Variants in AFF2 observed in about 807,000 individuals in gnomAD.
The protein encoded by AFF2 is ALF transcription elongation factor 2.
In AFF2, 14 loss-of-function variants were observed where a neutral mutation model predicts 76.9. The observed-to-expected ratio is 0.18, with a 90% CI of 0.12 to 0.28. AFF2 has a LOEUF of 0.28. Ranked by LOEUF, AFF2 falls within the 10% of genes least tolerant of loss-of-function variation. AFF2 has a pLI of 1.00. For synonymous variants in AFF2, 398 were observed against 366.7 expected (o/e 1.09, Z -0.98); for missense variants, 868 against 1,001.1 (o/e 0.87, Z 1.79).
chrX:148,851,971 G>A (rs782619758), intron 7 of AFF2, among the ~76,000 whole-genome samples: 1 of 110,289 alleles, frequency 9.1e-6, no homozygotes, highest in Admixed American at 9.7e-5. Context: ...GTGAGAACAT[G>A]CAGTATTTGG....
intron 1 of AFF2, among the ~76,000 whole-genome samples, chrX:148,621,576 T>C (rs2053868504): frequency 8.9e-6 from 1 of 111,961 alleles, no homozygotes; most frequent in Non-Finnish European, 1.9e-5. Flanking sequence ...TTGTTTCAAT[T>C]ATGTAATCAT....
chrX:148,869,067 A>G (rs960216432), intron 7 of AFF2, among the ~76,000 whole-genome samples: 11 of 112,655 alleles, frequency 9.8e-5, no homozygotes, highest in African/African-American at 3.2e-4. Flanking sequence ...ACATTCTACA[A>G]CATGGATTAC....
rs182624842 is a variant in AFF2, at chrX:148,759,378, G to A, written c.1042-50498G>A. Among the ~76,000 whole-genome samples, 535 of 112,050 alleles carry A rather than the reference G, an allele frequency of 4.8e-3. 2 individuals are homozygous for A. Among genetic ancestry groups the A allele is most frequent in the Middle Eastern group, 9.2e-3 (2 of 218 alleles). ...GACTTAACTATGTGCATGACATTCA[G>A]GGTTCTGATTTCTTTTGAATTATGA... On this transcript the variant is annotated intron_variant, in intron 3 of 20. Coordinates refer to ENST00000370460, the MANE Select transcript of AFF2 (RefSeq NM_002025.4).
chrX:148,807,491 G>A (rs1342422704), intron 3 of AFF2, among the ~76,000 whole-genome samples: 5 of 111,977 alleles, frequency 4.5e-5, no homozygotes, highest in African/African-American at 6.5e-5. Context: ...GAAAGGTACA[G>A]TTATTAAGTC....
intron 8 of AFF2, among the ~76,000 whole-genome samples, chrX:148,888,169 T>C (rs2071181734): frequency 9.0e-6 from 1 of 111,566 alleles, no homozygotes; most frequent in Non-Finnish European, 1.9e-5. Context: ...CCATACCCAT[T>C]AAACAGTTCC....
Position 148,500,988 on chromosome X carries a change from G to C in AFF2, c.-110G>C. 1.0e-6 allele frequency: 1 copy of C among 961,245 alleles called. No individual in the cohort carries two copies. Among genetic ancestry groups the C allele is most frequent in the Non-Finnish European group, 1.4e-6 (1 of 715,705 alleles). 79.2% of individuals were successfully genotyped at this position (961,245 alleles called of 1,213,427 possible). On this transcript the variant is annotated 5_prime_UTR_variant, in exon 1 of 21. Coordinates refer to ENST00000370460, the MANE Select transcript of AFF2 (RefSeq NM_002025.4). ...CCCGGACACTTTTAGCTGGGCGGGAGGGCTGGAGAGCCGGGGGCCGCCGAG... is the reference window on the plus strand; with the variant it reads ...CCCGGACACTTTTAGCTGGGCGGGACGGCTGGAGAGCCGGGGGCCGCCGAG...
In AFF2 at chrX:148,999,981, G is replaced by C. The variant is rs2072657169; in HGVS notation, c.*8649G>C. 9.0e-6 allele frequency: 1 copy of C among 111,574 alleles called. No homozygotes were observed. Among genetic ancestry groups the C allele is most frequent in the African/African-American group, 3.3e-5 (1 of 30,631 alleles). The allele number at this position is 111,574 out of a possible 1,213,427, so 9.2% of individuals were successfully genotyped here. A position where few individuals can be genotyped will look rare whatever the true frequency, so the allele number is the denominator to read the frequency against. ...TGAAGTTGACTTGCTCCAAGCTGCAGTCTAAAACCCTGGGGCCCGTGCCTG... is the reference window on the plus strand; with the variant it reads ...TGAAGTTGACTTGCTCCAAGCTGCACTCTAAAACCCTGGGGCCCGTGCCTG... On this transcript the variant is annotated 3_prime_UTR_variant, in exon 21 of 21. Transcript: ENST00000370460.
intron 3 of AFF2, among the ~76,000 whole-genome samples, chrX:148,666,547 T>G (rs1404712545): frequency 9.1e-6 from 1 of 109,712 alleles, no homozygotes; most frequent in Non-Finnish European, 1.9e-5. Context: ...GTTGCACCAC[T>G]GCACTCCAGC....
intron 1 of AFF2, among the ~76,000 whole-genome samples, chrX:148,639,622 C>T (rs868967817): frequency 8.9e-6 from 1 of 111,830 alleles, no homozygotes; most frequent in Non-Finnish European, 1.9e-5. Flanking sequence ...CCACATATAA[C>T]GTGTTTATTG....
intron 8 of AFF2, 55 bp downstream of exon 8, chrX:148,886,040 G>C (rs887195866): frequency 1.1e-6 from 1 of 951,186 alleles, no homozygotes; most frequent in Non-Finnish European, 1.5e-6. Context: ...GGAGGAACTG[G>C]AATGGCTTTG....
At chrX:148,862,009 G>A (rs2070853747) in intron 7 of AFF2, among the ~76,000 whole-genome samples, 1 of 109,836 alleles carries the variant, frequency 9.1e-6, no homozygotes, top group Non-Finnish European at 1.9e-5. Context: ...AGTTGTCTCC[G>A]GGGTGGCTGG....
chrX:148,558,411 C>T (rs2053075581), intron 1 of AFF2, among the ~76,000 whole-genome samples: 1 of 111,186 alleles, frequency 9.0e-6, no homozygotes, highest in Admixed American at 9.6e-5. Context: ...TAACATGCTG[C>T]ACCTTTGAAG....
At chrX:148,765,300 T>A (rs952771702) in intron 3 of AFF2, among the ~76,000 whole-genome samples, 1 of 111,863 alleles carries the variant, frequency 8.9e-6, no homozygotes, top group African/African-American at 3.3e-5. Context: ...TAGTAGTGGG[T>A]TTGGCTGTTT....
At chrX:148,876,540 T>C (rs1403929453) in intron 7 of AFF2, among the ~76,000 whole-genome samples, 13 of 111,951 alleles carry the variant, frequency 1.2e-4, no homozygotes, top group Non-Finnish European at 1.9e-4. Flanking sequence ...ACAAGTCCAT[T>C]CGCTATTGTT....
At chrX:148,763,283 A>G (rs782664155) in intron 3 of AFF2, among the ~76,000 whole-genome samples, 8 of 111,899 alleles carry the variant, frequency 7.1e-5, no homozygotes, top group Admixed American at 3.8e-4. Flanking sequence ...GGGAGTACAA[A>G]TCAAAATCAA....
chrX:148,573,864 G>A (rs1018377350), intron 1 of AFF2, among the ~76,000 whole-genome samples: 2 of 111,068 alleles, frequency 1.8e-5, no homozygotes, highest in Non-Finnish European at 1.9e-5. Flanking sequence ...TAGTATTAGC[G>A]GTCATGTTCC....
intron 9 of AFF2, among the ~76,000 whole-genome samples, chrX:148,951,207 T>C (rs2071964386): frequency 1.8e-5 from 2 of 110,814 alleles, no homozygotes; most frequent in South Asian, 7.7e-4. Flanking sequence ...ACCCCAATTT[T>C]TCTACTAAAT....
chrX:148,823,257 T>A lies in AFF2; in HGVS notation c.1086+13337T>A, dbSNP rs1467451844. ...TGTGCCAGTGACACTGGACCAGACA[T>A]CAAGAGACCTCAGAGCTAGTTCTGA... On this transcript the variant is annotated intron_variant, in intron 4 of 20. Coordinates refer to ENST00000370460, the MANE Select transcript of AFF2 (RefSeq NM_002025.4). Among the ~76,000 whole-genome samples the A allele has an allele frequency of 3.6e-5, 4 of 111,167 alleles. No individual in the cohort carries two copies. The Admixed American group carries it at 3.8e-4, about 11-fold the overall frequency.
intron 3 of AFF2, among the ~76,000 whole-genome samples, chrX:148,807,642 G>A (rs782758567): frequency 1.8e-4 from 20 of 112,155 alleles, no homozygotes; most frequent in Non-Finnish European, 3.0e-4. Flanking sequence ...GGGAAAAGGC[G>A]AACAAAGACC....
Sources: gnomAD v4.1 joint callset for allele counts (sites outside exome capture counted in the v4.1 genomes callset) on GRCh38, gnomAD v4.1.1 for gene constraint, MANE v1.5 for transcripts, NCBI Gene and HGNC (gene_info 2026-07-23, HGNC 2026-07-21) for gene names.